Variants in ABCA10 observed in about 807,000 individuals in gnomAD.
ABCA10 encodes the protein ATP-binding cassette sub-family A member 10.
A neutral mutation model predicts 187.5 loss-of-function variants in ABCA10; 169 were observed. The observed-to-expected ratio is 0.90, with a 90% CI of 0.80 to 1.02. ABCA10 has a LOEUF of 1.02. Ranked by LOEUF, ABCA10 falls within the 50% of genes least tolerant of loss-of-function variation. The probability of loss-of-function intolerance (pLI) is 0.00; values close to 1 mark genes in which losing one functional copy is unlikely to be tolerated. For missense variants in ABCA10, 1,727 were observed against 1,812.4 expected, an observed-to-expected ratio of 0.95 and a Z score of 0.86; for synonymous variants, 574 against 601.8, an observed-to-expected ratio of 0.95 and a Z score of 0.68.
chr17:69,219,883 G>T, intron 5 of ABCA10, 112 bp from the exon 6 acceptor site: 1 of 735,224 alleles, frequency 1.4e-6, no homozygotes, highest in Non-Finnish European at 2.1e-6. Flanking sequence ...TCATTTTAAA[G>T]TATGAACTAT....
upstream of ABCA10, among the ~76,000 whole-genome samples, chr17:69,229,286 G>A (rs1161635728): frequency 2.6e-5 from 4 of 152,008 alleles, no homozygotes; most frequent in Non-Finnish European, 5.9e-5. Flanking sequence ...GTTTAAATAA[G>A]TGTGAAGCCA....
intron 18 of ABCA10, among the ~76,000 whole-genome samples, chr17:69,189,190 A>C (rs1445640884): frequency 6.6e-6 from 1 of 152,056 alleles, no homozygotes; most frequent in Admixed American, 6.6e-5. Context: ...CCTCATCAGC[A>C]TCTGTTATTT....
intron 9 of ABCA10, 29 bp from the exon 10 acceptor site, chr17:69,201,697 G>A (rs1309215826): frequency 6.5e-7 from 1 of 1,536,588 alleles, no homozygotes; most frequent in Non-Finnish European, 8.8e-7. Context: ...ATTACATATT[G>A]CATCAATTAT....
chr17:69,207,558 T>C (rs1361563433), intron 9 of ABCA10, among the ~76,000 whole-genome samples: 1 of 152,166 alleles, frequency 6.6e-6, no homozygotes, highest in Non-Finnish European at 1.5e-5. Flanking sequence ...TACAATAGAA[T>C]ACTATTTAGC....
At chr17:69,204,473 C>T (rs2074574784) in intron 9 of ABCA10, among the ~76,000 whole-genome samples, 1 of 152,142 alleles carries the variant, frequency 6.6e-6, no homozygotes, top group African/African-American at 2.4e-5. Context: ...CTTACCTATC[C>T]TCTAAATGCA....
At chr17:69,166,359 T>G (rs2074254926) in intron 25 of ABCA10, among the ~76,000 whole-genome samples, 2 of 150,240 alleles carry the variant, frequency 1.3e-5, no homozygotes, top group Admixed American at 1.3e-4. Context: ...AAAGGTTGAA[T>G]TGCTTGATAT....
chr17:69,196,771 G>A (rs554055940), intron 11 of ABCA10, among the ~76,000 whole-genome samples: 3 of 152,320 alleles, frequency 2.0e-5, no homozygotes, highest in Admixed American at 6.5e-5. Flanking sequence ...AGCACCTCGC[G>A]AGGCTGAGGC....
intron 20 of ABCA10, among the ~76,000 whole-genome samples, chr17:69,184,975 G>A (rs1419537681): frequency 1.4e-5 from 2 of 148,108 alleles, no homozygotes; most frequent in Non-Finnish European, 3.0e-5. Flanking sequence ...TCCATAAAAC[G>A]AAATGAAGTA....
At chr17:69,235,428 C>T (rs2074861587) in intron 1 of ABCA10, among the ~76,000 whole-genome samples, 1 of 152,212 alleles carries the variant, frequency 6.6e-6, no homozygotes, top group Non-Finnish European at 1.5e-5. Flanking sequence ...GCTCACCCCT[C>T]TTACTTTGTT....
chr17:69,223,025 G>A (rs1454036264), intron 3 of ABCA10, among the ~76,000 whole-genome samples: 1 of 151,506 alleles, frequency 6.6e-6, no homozygotes, highest in Non-Finnish European at 1.5e-5. Flanking sequence ...TTGCCTTGAA[G>A]GATATACACA....
At chr17:69,154,417 T>G in intron 30 of ABCA10, 91 bp from the exon 31 acceptor site, 2 of 815,444 alleles carry the variant, frequency 2.5e-6, no homozygotes, top group Admixed American at 3.4e-5. Flanking sequence ...TGAAACAAAA[T>G]GACTTTTTTT....
chr17:69,203,691 C>A (rs944381772), intron 9 of ABCA10, among the ~76,000 whole-genome samples: 1 of 152,154 alleles, frequency 6.6e-6, no homozygotes, highest in African/African-American at 2.4e-5. Context: ...GTGAAAGAGC[C>A]TACATACACT....
intron 8 of ABCA10, among the ~76,000 whole-genome samples, chr17:69,215,233 G>C (rs2074695030): frequency 6.6e-6 from 1 of 152,100 alleles, no homozygotes; most frequent in Non-Finnish European, 1.5e-5. Flanking sequence ...AGATATTGCA[G>C]AAACATTCAA....
chr17:69,200,387 C>T (rs2074534888), intron 10 of ABCA10, among the ~76,000 whole-genome samples: 1 of 152,194 alleles, frequency 6.6e-6, no homozygotes, highest in South Asian at 2.1e-4. Context: ...CTACAGACTA[C>T]ATCATAATCA....
intron 10 of ABCA10, among the ~76,000 whole-genome samples, chr17:69,198,378 T>G (rs2074521175): frequency 1.3e-5 from 2 of 152,120 alleles, no homozygotes; most frequent in African/African-American, 4.8e-5. Context: ...TATCAGATTT[T>G]GCTAATGAGA....
At chr17:69,244,084 T>C (rs192799586) in intron 1 of ABCA10, among the ~76,000 whole-genome samples, 7 of 152,330 alleles carry the variant, frequency 4.6e-5, no homozygotes, top group Admixed American at 3.9e-4. Flanking sequence ...GTGATAAATA[T>C]GTAAGTAGTG....
In ABCA10 at chr17:69,158,681, A is replaced by G. The variant is rs557135176; in HGVS notation, c.3364-1758T>C. ...AAAAGTCCACATACCAGTTTCTGGC[A>G]CTTGACTGCATTCTAATTTTCATCA... On this transcript the variant is annotated intron_variant, in intron 27 of 38. Coordinates refer to ENST00000690296, the MANE Select transcript of ABCA10 (RefSeq NM_001377321.1). Among the ~76,000 whole-genome samples the G allele has an allele frequency of 2.0e-5, 3 of 152,086 alleles. 1 individual carries two copies. Among genetic ancestry groups the G allele is most frequent in the Non-Finnish European group, 4.4e-5 (3 of 67,894 alleles).
chr17:69,157,673 T>C (rs938125311), intron 27 of ABCA10, among the ~76,000 whole-genome samples: 1 of 152,072 alleles, frequency 6.6e-6, no homozygotes, highest in African/African-American at 2.4e-5. Flanking sequence ...AAACAGACTC[T>C]ACATATATAG....
chr17:69,222,015 T>G, intron 4 of ABCA10, 120 bp from the exon 5 acceptor site: 1 of 734,792 alleles, frequency 1.4e-6, no homozygotes, highest in Non-Finnish European at 2.2e-6. Flanking sequence ...CCTATGATTA[T>G]ATGATATAGA....
Sources: gnomAD v4.1 joint callset for allele counts (sites outside exome capture counted in the v4.1 genomes callset) on GRCh38, gnomAD v4.1.1 for gene constraint, MANE v1.5 for transcripts, NCBI Gene and HGNC (gene_info 2026-07-23, HGNC 2026-07-21) for gene names.